Variants in CHAT observed in about 807,000 individuals in gnomAD.
CHAT encodes choline O-acetyltransferase.
A neutral mutation model predicts 76.9 loss-of-function variants in CHAT; 61 were observed. The ratio of observed to expected loss-of-function variants is 0.79; its 90% CI spans 0.65 to 0.98. CHAT has a LOEUF of 0.98. Ranked by LOEUF, CHAT falls within the 50% of genes least tolerant of loss-of-function variation. The pLI, the probability that CHAT is intolerant of heterozygous loss-of-function variation, is 0.00. For synonymous variants in CHAT, 407 were observed against 397.4 expected (o/e 1.02, Z -0.29); for missense variants, 946 against 986.9 (o/e 0.96, Z 0.56).
chr10:49,662,649 T>A lies in CHAT; in HGVS notation c.1844T>A (p.Ile615Lys). Reference sequence around the variant, plus strand: ...TCTTTGTCCCCAACTACACAGGCCATAACAGGGATGGCCATTGACAACCAC... The same window carrying A: ...TCTTTGTCCCCAACTACACAGGCCAAAACAGGGATGGCCATTGACAACCAC... The part of the protein sequence containing the change: ...RAQTAYTVMA[I>K]TGMAIDNHLL... The change falls in exon 14 of 15, where the codon ATA becomes AAA. Residue 615 changes from isoleucine (I) to lysine (K), a missense_variant. Physicochemically the swap from Ile to Lys is moderately radical, Grantham distance 102 (BLOSUM62 -3). Transcript: ENST00000337653. 1 of 1,614,080 alleles carries A rather than the reference T, an allele frequency of 6.2e-7. No individual in the cohort carries two copies.
Position 49,614,451 on chromosome 10 carries a change from G to C in CHAT, c.262G>C (p.Glu88Gln). The C allele has an allele frequency of 1.9e-6, 3 of 1,547,594 alleles. No homozygotes were observed. The highest frequency in any genetic ancestry group is 2.6e-6 in the Non-Finnish European group (3 of 1,147,020). The change falls in exon 1 of 15, where the codon GAG becomes CAG. Residue 88 changes from glutamate to glutamine, a missense_variant. Physicochemically the swap from Glu to Gln is conservative, Grantham distance 29. Transcript: ENST00000337653. ...TGAGTGGTGCGGTGCAGCGTCGGCC[G>C]AGGCAGCAGAGCCGAGGAGAGCAGG... ...TPEWCGAASA[E>Q]AAEPRRAGPH...
intron 2 of CHAT, among the ~76,000 whole-genome samples, chr10:49,617,091 T>A (rs1227479348): frequency 6.6e-6 from 1 of 152,168 alleles, no homozygotes; most frequent in East Asian, 1.9e-4. Context: ...CAGCCAGCCT[T>A]CGGGTGGCAG....
chr10:49,630,900 T>C (rs1839096735), intron 7 of CHAT, among the ~76,000 whole-genome samples: 1 of 152,160 alleles, frequency 6.6e-6, no homozygotes, highest in Admixed American at 6.5e-5. Flanking sequence ...CAGTTGGATG[T>C]TGAAGATGAA....
chr10:49,652,405 C>T (rs1176055229), intron 11 of CHAT, among the ~76,000 whole-genome samples: 1 of 152,184 alleles, frequency 6.6e-6, no homozygotes, highest in Admixed American at 6.5e-5. Flanking sequence ...GGAAATGGAA[C>T]CAGCAGCTCC....
At chr10:49,637,802 TTA>T (rs1839345707) in intron 7 of CHAT, 2 of 152,384 alleles carry the variant, frequency 1.3e-5, no homozygotes, top group South Asian at 2.1e-4. Flanking sequence ...TTGGAACTTT[TTA>T]TGTTATTTTT....
Position 49,614,234 on chromosome 10 carries a change from G to A in CHAT, c.45G>A (p.Gly15=), listed in dbSNP as rs778795905. 1.3e-5 allele frequency: 19 copies of A among 1,489,688 alleles called. 1 individual carries two copies. The highest frequency in any genetic ancestry group is 1.4e-5 in the African/African-American group (1 of 70,932). The allele number at this position is 1,489,688 out of a possible 1,614,324, so 92.3% of individuals were successfully genotyped here. Reference sequence around the variant, plus strand: ...AGAAGAGGGGGCTTGGGGGAGGGGGGAAATGGAAGAGAGAGGAGGGAGGAG... The same window carrying A: ...AGAAGAGGGGGCTTGGGGGAGGGGGAAAATGGAAGAGAGAGGAGGGAGGAG... The part of the protein sequence containing the change: ...TAKKRGLGGG[G]KWKREEGGGT... Residue 15 remains glycine, a synonymous_variant, in exon 1 of 15, where the codon GGG becomes GGA. Transcript: ENST00000337653.
Position 49,620,902 on chromosome 10 carries a change from G to T in CHAT, c.698+289G>T, listed in dbSNP as rs146753981. Among the ~76,000 whole-genome samples the T allele has an allele frequency of 3.5e-3, 532 of 152,348 alleles. 3 individuals carry two copies. The highest frequency in any genetic ancestry group is 3.2e-3 in the Non-Finnish European group (216 of 68,038). ...TCCCCACAGCCTCCACCTGGCTGAG[G>T]CCCTGGGAGGAGGCGTGTGTCCCTG... On this transcript the variant is annotated intron_variant, in intron 4 of 14. Transcript: ENST00000337653.
chr10:49,611,764 G>A, upstream of CHAT: 2 of 1,603,572 alleles, frequency 1.2e-6, no homozygotes, highest in Non-Finnish European at 1.7e-6. Context: ...TGTGCTGGGC[G>A]TCTACCTCAC....
At chr10:49,659,734 T>C (rs1266389621) in intron 13 of CHAT, among the ~76,000 whole-genome samples, 3 of 151,952 alleles carry the variant, frequency 2.0e-5, no homozygotes, top group Non-Finnish European at 4.4e-5. Context: ...TGGTGGCACA[T>C]ACCTGTAATC....
chr10:49,648,726 T>TAC (rs10580502), intron 9 of CHAT, 119 bp downstream of exon 9: 6,305 of 582,598 alleles, frequency 0.011, 98 homozygotes, highest in African/African-American at 0.064. Context: ...ATGTGTACTA[T>TAC]ACACACACAC....
At chr10:49,632,474 C>T (rs1269261930) in intron 7 of CHAT, among the ~76,000 whole-genome samples, 3 of 152,140 alleles carry the variant, frequency 2.0e-5, no homozygotes. Flanking sequence ...TCAGCTGAAG[C>T]CCTAAGATCC....
chr10:49,614,528 C>A, intron 1 of CHAT, 53 bp downstream of exon 1: 1 of 1,284,836 alleles, frequency 7.8e-7, no homozygotes, highest in Non-Finnish European at 1.0e-6. Context: ...GGAGCAAGGG[C>A]GGCGGTCGGG....
intron 7 of CHAT, among the ~76,000 whole-genome samples, chr10:49,643,771 A>G (rs988321352): frequency 6.6e-6 from 1 of 152,162 alleles, no homozygotes; most frequent in Non-Finnish European, 1.5e-5. Flanking sequence ...AACTGGGTCC[A>G]CAGATCCCAG....
chr10:49,615,728 C>T (rs1282271072), intron 1 of CHAT: 14 of 436,838 alleles, frequency 3.2e-5, no homozygotes, highest in Non-Finnish European at 5.7e-5. Flanking sequence ...CTTGGCCTGG[C>T]TCACTTCTAC....
rs768089988 is a variant in CHAT, at chr10:49,664,865, T to A, written c.2066T>A (p.Ile689Asn). 3 of 1,614,208 alleles carry A rather than the reference T, an allele frequency of 1.9e-6. No individual in the cohort carries two copies. The highest frequency in any genetic ancestry group is 2.5e-6 in the Non-Finnish European group (3 of 1,180,032). ...TGCTACAACCCCCAGCCAGAGACCA[T>A]CCTTTTCTGCATCTCTAGCTTTCAC... ...GACYNPQPET[I>N]LFCISSFHSC... The change falls in exon 15 of 15, where the codon ATC (isoleucine) becomes AAC (asparagine). Residue 689 changes from isoleucine (I) to asparagine (N), a missense_variant. Coordinates refer to ENST00000337653, the MANE Select transcript of CHAT (RefSeq NM_020549.5).
At chr10:49,622,733 G>A (rs1046671904) in intron 5 of CHAT, among the ~76,000 whole-genome samples, 2 of 152,222 alleles carry the variant, frequency 1.3e-5, no homozygotes, top group Admixed American at 1.3e-4. Context: ...TCAAGGTAGA[G>A]ACTATAAGGG....
intron 7 of CHAT, 36 bp from the exon 8 acceptor site, chr10:49,646,469 G>C (rs1839665694): frequency 1.4e-5 from 23 of 1,613,190 alleles, no homozygotes; most frequent in Non-Finnish European, 1.9e-5. Flanking sequence ...GCCTGGAGCG[G>C]GACAGGTGCT....
chr10:49,616,367 T>C, intron 1 of CHAT, 135 bp from the exon 2 acceptor site: 1 of 755,934 alleles, frequency 1.3e-6, no homozygotes, highest in Non-Finnish European at 2.3e-6. Flanking sequence ...ACGCCTGCAA[T>C]GAGACCCCTA....
intron 7 of CHAT, among the ~76,000 whole-genome samples, chr10:49,638,518 G>A (rs181365092): frequency 6.6e-6 from 1 of 152,012 alleles, no homozygotes; most frequent in East Asian, 1.9e-4. Flanking sequence ...TCTTTCTCTT[G>A]CCTTCGTGTG....
Sources: gnomAD v4.1 joint callset for allele counts (sites outside exome capture counted in the v4.1 genomes callset) on GRCh38, gnomAD v4.1.1 for gene constraint, MANE v1.5 for transcripts, NCBI Gene and HGNC (gene_info 2026-07-23, HGNC 2026-07-21) for gene names.